The following TCAF2 variants were observed in gnomAD, a reference collection of about 807,000 sequenced individuals.
The protein encoded by TCAF2 is TRPM8 channel-associated factor 2.
Under a neutral mutation model 33.9 loss-of-function variants are expected in TCAF2, and 6 were observed. That is an observed-to-expected ratio of 0.18 (90% CI 0.10 to 0.35). The LOEUF is 0.35. Among genes scored for constraint, TCAF2 ranks in the 10% least tolerant of loss-of-function variants. The probability of loss-of-function intolerance (pLI) is 1.00; values close to 1 mark genes in which losing one functional copy is unlikely to be tolerated. For synonymous variants in TCAF2, 41 were observed against 247.8 expected, an observed-to-expected ratio of 0.17 and a Z score of 7.84; for missense variants, 109 against 604.0, an observed-to-expected ratio of 0.18 and a Z score of 8.59.
chr7:143,728,984 C>T lies in TCAF2; in HGVS notation c.*1317C>T, dbSNP rs879730441. 2 of 152,136 alleles carry T rather than the reference C, an allele frequency of 1.3e-5. No homozygotes were observed. Among genetic ancestry groups the T allele is most frequent in the South Asian group, 2.1e-4 (1 of 4,828 alleles). 9.4% of individuals were successfully genotyped at this position (152,136 alleles called of 1,614,324 possible). A position where few individuals can be genotyped will look rare whatever the true frequency, so the allele number is the denominator to read the frequency against. On this transcript the variant is annotated 3_prime_UTR_variant, in exon 8 of 8. Coordinates refer to ENST00000684770, the MANE Select transcript of TCAF2 (RefSeq NM_001363538.2). ...TTAGGGCATGTCTTTTGCTGAATCC[C>T]GTCAGCATATTTAACAAATTCCCAA...
At chr7:143,720,932 A>T (rs1430640734) in intron 3 of TCAF2, 1 of 352,338 alleles carries the variant, frequency 2.8e-6, no homozygotes, top group Non-Finnish European at 5.0e-6. Context: ...GGCACACGCC[A>T]CCATGCCTGG....
chr7:143,727,534 AAGTG>A lies in TCAF2; in HGVS notation c.2629_2632del (p.Val877ArgfsTer82). On this transcript the variant is annotated frameshift_variant, in exon 8 of 8. Coordinates refer to ENST00000684770, the MANE Select transcript of TCAF2 (RefSeq NM_001363538.2). LOFTEE classifies it low-confidence loss of function (END_TRUNC). ...CTATGGGTGAAGAAGTTCTCTGAAA[AAGTG>A]AAGAAGAATCTGGTTCCCTTCTTTG... 1.4e-6 allele frequency: 2 copies of A among 1,470,988 alleles called. No individual in the cohort carries two copies. Among genetic ancestry groups the A allele is most frequent in the Non-Finnish European group, 1.8e-6 (2 of 1,094,772 alleles). 91.1% of individuals were successfully genotyped at this position (1,470,988 alleles called of 1,614,324 possible).
chr7:143,701,776 ATTTTAT>A (rs1278455264), intron 1 of TCAF2, among the ~76,000 whole-genome samples: 1 of 119,760 alleles, frequency 8.4e-6, no homozygotes, highest in Non-Finnish European at 1.8e-5. Flanking sequence ...ATTTTATTTT[ATTTTAT>A]TTTATTTTAT....
rs753418553 is a variant in TCAF2, at chr7:143,724,502, C to A, written c.2310C>A (p.Phe770Leu). The A allele has an allele frequency of 3.7e-6, 6 of 1,610,790 alleles. No homozygotes were observed. The highest frequency in any genetic ancestry group is 5.1e-6 in the Non-Finnish European group (6 of 1,179,382). ...GHNQQRHGWE[F>L]PPHTTEATCN... ...ACCAACAGCGGCATGGATGGGAGTT[C>A]CCCCCACACACTACTGAGGCCACCT... Residue 770 changes from phenylalanine to leucine, a missense_variant, in exon 7 of 8, where the codon TTC (phenylalanine) becomes TTA (leucine). Physicochemically the swap from Phe to Leu is conservative, Grantham distance 22. Transcript: ENST00000684770.
intron 1 of TCAF2, among the ~76,000 whole-genome samples, chr7:143,622,578 C>CCTTAT (rs1048132711): frequency 5.4e-5 from 2 of 36,768 alleles, no homozygotes; most frequent in African/African-American, 1.4e-4. Context: ...TTTTACTTTA[C>CCTTAT]TTTATTTTAT....
rs1049429219 is a variant in TCAF2 at position 143,730,251 on chromosome 7, A to G, written c.*2584A>G. 10 of 152,162 alleles carry G rather than the reference A, an allele frequency of 6.6e-5. No homozygotes were observed. In the South Asian group the frequency reaches 2.1e-3, roughly 32 times the overall value. The allele number at this position is 152,162 out of a possible 1,614,324, so 9.4% of individuals were successfully genotyped here. ...AGTGTAAAAGCATTCCTGTTTCTCC[A>G]CAGCCTCACCAACATCTGTTGTTTC... On this transcript the variant is annotated 3_prime_UTR_variant, in exon 8 of 8. Transcript: ENST00000684770.
In TCAF2 at chr7:143,724,509, C is replaced by A; in HGVS notation, c.2317C>A (p.His773Asn). ...QQRHGWEFPPHTTEATCNLWS... is the reference protein window; with the variant it reads ...QQRHGWEFPPNTTEATCNLWS... Reference sequence around the variant, plus strand: ...GCGGCATGGATGGGAGTTCCCCCCACACACTACTGAGGCCACCTGTAACCT... The same window carrying A: ...GCGGCATGGATGGGAGTTCCCCCCAAACACTACTGAGGCCACCTGTAACCT... The change falls in exon 7 of 8, where the codon CAC becomes AAC. Residue 773 changes from histidine (H) to asparagine (N), a missense_variant. Transcript: ENST00000684770. 3 of 1,611,208 alleles carry A rather than the reference C, an allele frequency of 1.9e-6. No homozygotes were observed. The highest frequency in any genetic ancestry group is 1.7e-6 in the Non-Finnish European group (2 of 1,179,562).
intron 3 of TCAF2, chr7:143,721,004 T>C (rs1372916313): frequency 3.1e-6 from 1 of 319,670 alleles, no homozygotes; most frequent in African/African-American, 2.6e-5. Context: ...GGTCCGGAAC[T>C]CCTGACCTCA....
chr7:143,730,012 G>A lies in TCAF2; in HGVS notation c.*2345G>A, dbSNP rs924422415. ...TTTCTTTATCCAGTCTATCATTGGT[G>A]GGCATTTGGGTTGGTTCCAAGTCTT... is the stretch of plus-strand genomic sequence containing the variant. On this transcript the variant is annotated 3_prime_UTR_variant, in exon 8 of 8. Coordinates refer to ENST00000684770, the MANE Select transcript of TCAF2 (RefSeq NM_001363538.2). 2.0e-5 allele frequency: 3 copies of A among 152,114 alleles called. No individual in the cohort carries two copies. The highest frequency in any genetic ancestry group is 7.2e-5 in the African/African-American group (3 of 41,406). The allele number at this position is 152,114 out of a possible 1,614,324, so 9.4% of individuals were successfully genotyped here.
intron 2 of TCAF2, among the ~76,000 whole-genome samples, chr7:143,718,466 A>G (rs1207226972): frequency 6.6e-6 from 1 of 151,950 alleles, no homozygotes; most frequent in Non-Finnish European, 1.5e-5. Flanking sequence ...CCTGGAATCT[A>G]ATTTTAAAAC....
chr7:143,647,818 T>C (rs1166716459), intron 1 of TCAF2, among the ~76,000 whole-genome samples: 2 of 132,636 alleles, frequency 1.5e-5, no homozygotes, highest in Non-Finnish European at 3.3e-5. Flanking sequence ...ATTTTTATCA[T>C]ATTTAAGGCA....
In TCAF2 at chr7:143,720,279, CT is replaced by C. The variant is rs1809499194; in HGVS notation, c.1221del (p.Glu408ArgfsTer2). 1 of 811,510 alleles carries C rather than the reference CT, an allele frequency of 1.2e-6. No homozygotes were observed. The highest frequency in any genetic ancestry group is 1.9e-6 in the Non-Finnish European group (1 of 523,474). The allele number at this position is 811,510 out of a possible 1,614,324, so 50.3% of individuals were successfully genotyped here. On this transcript the variant is annotated frameshift_variant, in exon 3 of 8. Coordinates refer to ENST00000684770, the MANE Select transcript of TCAF2 (RefSeq NM_001363538.2). LOFTEE classifies it high-confidence loss of function. Reference protein sequence around the residue: ...LKAGCFPVPTPEMRSYHFRKA... With the variant: ...LKAGCFPVPTXEMRSYHFRKA... Reference sequence around the variant, plus strand: ...GCAGGCTGCTTCCCCGTTCCCACCCCTGAGATGAGAAGCTACCACTTCCGCA... The same window carrying C: ...GCAGGCTGCTTCCCCGTTCCCACCCCGAGATGAGAAGCTACCACTTCCGCA...
In TCAF2 at chr7:143,622,635, G is replaced by A. The variant is rs1183672900; in HGVS notation, c.-12+1615G>A. Among the ~76,000 whole-genome samples, 3 of 27,670 alleles carry A rather than the reference G, an allele frequency of 1.1e-4. 1 individual carries two copies. The highest frequency in any genetic ancestry group is 2.5e-4 in the Non-Finnish European group (3 of 11,766). The allele number at this position is 27,670 out of a possible 152,430, so 18.2% of individuals were successfully genotyped here. A position where few individuals can be genotyped will look rare whatever the true frequency, so the allele number is the denominator to read the frequency against. On this transcript the variant is annotated intron_variant, in intron 1 of 7. Transcript: ENST00000684770. Reference sequence around the variant, plus strand: ...TTTTGAGGCAGAGTCTTGTTCTCTCGCACAGGCTAGAGTCCACTGGTGCGA... The same window carrying A: ...TTTTGAGGCAGAGTCTTGTTCTCTCACACAGGCTAGAGTCCACTGGTGCGA...
At position 143,730,053 on chromosome 7, in the gene TCAF2, T is replaced by C. The variant is rs112619771; in HGVS notation, c.*2386T>C. 0.029 allele frequency: 4,422 copies of C among 152,288 alleles called. 82 individuals are homozygous for C. The highest frequency in any genetic ancestry group is 0.071 in the Middle Eastern group (21 of 294). The allele number at this position is 152,288 out of a possible 1,614,324, so 9.4% of individuals were successfully genotyped here. A position where few individuals can be genotyped will look rare whatever the true frequency, so the allele number is the denominator to read the frequency against. On this transcript the variant is annotated 3_prime_UTR_variant, in exon 8 of 8. Transcript: ENST00000684770. ...TCCAAGTCTTTGCTATTGTAAATAA[T>C]GCTGCAATAAAAGTATGTGTGCATG...
At chr7:143,726,064 G>T (rs1339414433) in intron 7 of TCAF2, among the ~76,000 whole-genome samples, 5 of 152,182 alleles carry the variant, frequency 3.3e-5, no homozygotes, top group Admixed American at 6.5e-5. Flanking sequence ...AATGCTTACA[G>T]TGTTCTCTAG....
rs1809775327 is a variant in TCAF2, at chr7:143,729,890, G to T, written c.*2223G>T. The T allele has an allele frequency of 1.3e-5, 2 of 152,072 alleles. No individual in the cohort carries two copies. The highest frequency in any genetic ancestry group is 4.1e-4 in the South Asian group (2 of 4,822). The allele number at this position is 152,072 out of a possible 1,614,324, so 9.4% of individuals were successfully genotyped here. ...TTTTCTGTTCCTGTGTTAGTTTGCT[G>T]AGAATTATGGCTTCCAGCTTCATCC... On this transcript the variant is annotated 3_prime_UTR_variant, in exon 8 of 8. Coordinates refer to ENST00000684770, the MANE Select transcript of TCAF2 (RefSeq NM_001363538.2).
rs1809353413 is a variant in TCAF2, at chr7:143,714,188, A to G, written c.624-5495A>G. ...AAAATGTTTTTTACAGCATCTGATC[A>G]ACATAGTTCTCTCTAGTCCTTTTTT... On this transcript the variant is annotated intron_variant, in intron 2 of 7. Coordinates refer to ENST00000684770, the MANE Select transcript of TCAF2 (RefSeq NM_001363538.2). Among the ~76,000 whole-genome samples the G allele has an allele frequency of 3.7e-5, 2 of 53,994 alleles. 1 individual carries two copies. Among genetic ancestry groups the G allele is most frequent in the Admixed American group, 4.2e-4 (2 of 4,714 alleles). The allele number at this position is 53,994 out of a possible 152,430, so 35.4% of individuals were successfully genotyped here.
Position 143,730,380 on chromosome 7 carries a change from G to T in TCAF2, c.*2713G>T, listed in dbSNP as rs1295107911. ...CCAGTAATGATGAGCTTTTTTTCAT[G>T]TTTATTGGCCACATAAATGTCTTCT... On this transcript the variant is annotated 3_prime_UTR_variant, in exon 8 of 8. Transcript: ENST00000684770. 3 of 152,000 alleles carry T rather than the reference G, an allele frequency of 2.0e-5. No individual in the cohort carries two copies. Among genetic ancestry groups the T allele is most frequent in the Admixed American group, 1.3e-4 (2 of 15,266 alleles). The allele number at this position is 152,000 out of a possible 1,614,324, so 9.4% of individuals were successfully genotyped here.
chr7:143,718,297 TA>T (rs779703583), intron 2 of TCAF2, among the ~76,000 whole-genome samples: 157 of 131,538 alleles, frequency 1.2e-3, no homozygotes, highest in Non-Finnish European at 2.1e-3. Flanking sequence ...TAAAGATAAT[TA>T]AAATGACCTA....
Sources: gnomAD v4.1 joint callset for allele counts (sites outside exome capture counted in the v4.1 genomes callset) on GRCh38, gnomAD v4.1.1 for gene constraint, MANE v1.5 for transcripts, NCBI Gene and HGNC (gene_info 2026-07-23, HGNC 2026-07-21) for gene names.